Variants in KIRREL1 observed in about 807,000 individuals in gnomAD.
KIRREL1 encodes the protein kin of IRRE-like protein 1.
Under a neutral mutation model 83.3 loss-of-function variants are expected in KIRREL1, and 25 were observed. The observed-to-expected ratio is 0.30, with a 90% CI of 0.22 to 0.42. The LOEUF (loss-of-function observed/expected upper bound fraction) is 0.42, where lower values mean the gene tolerates loss of function less well. Among genes scored for constraint, KIRREL1 ranks in the 10% least tolerant of loss-of-function variants. The pLI is 1.00. For missense variants in KIRREL1, 812 were observed against 1,032.3 expected (o/e 0.79, Z 2.92); for synonymous variants, 388 against 410.4 (o/e 0.95, Z 0.66).
intron 1 of KIRREL1, among the ~76,000 whole-genome samples, chr1:158,043,911 T>C (rs1201423344): frequency 6.6e-6 from 1 of 152,196 alleles, no homozygotes; most frequent in African/African-American, 2.4e-5. Context: ...TTTGTGACAT[T>C]AGGCAAATTA....
chr1:158,093,820 C>T (rs1662275523), intron 13 of KIRREL1, 58 bp downstream of exon 13: 1 of 1,589,788 alleles, frequency 6.3e-7, no homozygotes, highest in East Asian at 2.2e-5. Context: ...GGACCAGCTC[C>T]ATCCCAGATC....
intron 1 of KIRREL1, among the ~76,000 whole-genome samples, chr1:158,019,225 G>A (rs888349364): frequency 2.6e-5 from 4 of 152,126 alleles, no homozygotes; most frequent in Non-Finnish European, 4.4e-5. Context: ...ACAAGAGAGA[G>A]GAGCAGACTG....
At chr1:158,012,816 G>A (rs1323387080) in intron 1 of KIRREL1, among the ~76,000 whole-genome samples, 1 of 152,244 alleles carries the variant, frequency 6.6e-6, no homozygotes, top group East Asian at 1.9e-4. Context: ...GATAGTGTAA[G>A]TTACTAATCT....
chr1:158,001,969 C>G (rs1350014518), intron 1 of KIRREL1, among the ~76,000 whole-genome samples: 1 of 152,168 alleles, frequency 6.6e-6, no homozygotes, highest in African/African-American at 2.4e-5. Context: ...CTCCCCTCCT[C>G]TTAAACACCT....
chr1:158,087,864 A>AGGG lies in KIRREL1; in HGVS notation c.767+7_767+9dup. The AGGG allele has an allele frequency of 6.2e-7, 1 of 1,612,828 alleles. No individual in the cohort carries two copies. ...ACCCCGAGATCTTGGGCTACAGGTG[A>AGGG]GGGGGTCAGAGGCTGGGAGCGCTCT... On this transcript the variant is annotated splice_donor_region_variant and intron_variant, in intron 6 of 14. Coordinates refer to ENST00000359209, the MANE Select transcript of KIRREL1 (RefSeq NM_018240.7).
At chr1:158,005,369 G>A (rs183616145) in intron 1 of KIRREL1, among the ~76,000 whole-genome samples, 2 of 151,786 alleles carry the variant, frequency 1.3e-5, no homozygotes, top group Non-Finnish European at 1.5e-5. Flanking sequence ...TTGCCAGCAC[G>A]CCCATCCTTA....
In KIRREL1 at chr1:158,100,184, T is replaced by A. The variant is rs1050547373; in HGVS notation, c.*5064T>A. 1 of 150,060 alleles carries A rather than the reference T, an allele frequency of 6.7e-6. No individual in the cohort carries two copies. Among genetic ancestry groups the A allele is most frequent in the Non-Finnish European group, 1.5e-5 (1 of 67,624 alleles). The allele number at this position is 150,060 out of a possible 1,614,324, so 9.3% of individuals were successfully genotyped here. The stretch of plus-strand genomic sequence containing the variant: ...CTTTTTTTAAAAATATTATGTACTA[T>A]ATTTTTAGTCTCAAACACACTATAT... On this transcript the variant is annotated 3_prime_UTR_variant, in exon 15 of 15. Coordinates refer to ENST00000359209, the MANE Select transcript of KIRREL1 (RefSeq NM_018240.7).
At chr1:158,018,919 A>C (rs1457748907) in intron 1 of KIRREL1, among the ~76,000 whole-genome samples, 1 of 152,134 alleles carries the variant, frequency 6.6e-6, no homozygotes, top group Non-Finnish European at 1.5e-5. Flanking sequence ...AGGAGGAGAA[A>C]TTTGCTTCTG....
chr1:158,093,491 C>T, intron 12 of KIRREL1, 45 bp downstream of exon 12: 1 of 1,604,798 alleles, frequency 6.2e-7, no homozygotes, highest in Non-Finnish European at 8.5e-7. Context: ...CCTGGCTCTT[C>T]CAGGGCCATG....
chr1:158,081,187 G>A (rs1661843757), intron 3 of KIRREL1, among the ~76,000 whole-genome samples: 1 of 98,048 alleles, frequency 1.0e-5, no homozygotes, highest in Non-Finnish European at 2.5e-5. Context: ...ATGACTTCTG[G>A]GTCAGGCAAG....
chr1:158,027,919 C>T (rs1052829776), intron 1 of KIRREL1, among the ~76,000 whole-genome samples: 1 of 152,158 alleles, frequency 6.6e-6, no homozygotes, highest in African/African-American at 2.4e-5. Context: ...GGATTTCAGT[C>T]TTAGGGATAG....
chr1:158,073,199 C>T (rs540876164), intron 1 of KIRREL1, among the ~76,000 whole-genome samples: 2 of 152,118 alleles, frequency 1.3e-5, no homozygotes, highest in Admixed American at 6.5e-5. Context: ...ATTAAATTCC[C>T]GAGATGTCTT....
intron 1 of KIRREL1, among the ~76,000 whole-genome samples, chr1:158,027,462 C>T (rs930723065): frequency 5.9e-5 from 9 of 152,154 alleles, no homozygotes; most frequent in African/African-American, 2.2e-4. Flanking sequence ...ACCTTCAGCC[C>T]CTCTTCCCTC....
At chr1:158,020,603 A>AAAAAG (rs1659979479) in intron 1 of KIRREL1, among the ~76,000 whole-genome samples, 1 of 147,458 alleles carries the variant, frequency 6.8e-6, no homozygotes, top group Admixed American at 6.7e-5. Context: ...AGTAAATCAA[A>AAAAAG]AAAAAAAAAA....
chr1:158,040,354 G>A (rs1660592605), intron 1 of KIRREL1, among the ~76,000 whole-genome samples: 1 of 152,204 alleles, frequency 6.6e-6, no homozygotes, highest in African/African-American at 2.4e-5. Context: ...ATAGAGGTCA[G>A]AGACATGGAA....
chr1:158,012,687 C>T (rs2101639340), intron 1 of KIRREL1, among the ~76,000 whole-genome samples: 1 of 152,316 alleles, frequency 6.6e-6, no homozygotes. Flanking sequence ...TCCTGTTTTG[C>T]CCCTCACTGG....
rs1659815412 is a variant in KIRREL1, at chr1:158,016,031, TGCG to T, written c.52+22309_52+22311del. ...ACAAATATTAAGAAAGCAGGCTGGG[TGCG>T]GCGGCTCAAGCCTGTAATCCCAGCA... On this transcript the variant is annotated intron_variant, in intron 1 of 14. Transcript: ENST00000359209. Among the ~76,000 whole-genome samples, 7 of 152,098 alleles carry T rather than the reference TGCG, an allele frequency of 4.6e-5. No individual in the cohort carries two copies. The South Asian group carries it at 1.2e-3, about 27-fold the overall frequency.
At position 158,091,395 on chromosome 1, in the gene KIRREL1, C is replaced by T. The variant is rs760591846; in HGVS notation, c.1310C>T (p.Thr437Ile). Residue 437 changes from threonine to isoleucine, a missense_variant, in exon 11 of 15, where the codon ACC (threonine) becomes ATC (isoleucine). Coordinates refer to ENST00000359209, the MANE Select transcript of KIRREL1 (RefSeq NM_018240.7). ...AWKENFLEVG[T>I]LERYTVERTN... ...AAGGAGAACTTCTTGGAGGTGGGGA[C>T]CCTGGAACGCTATACAGTGGAGAGG... 1.2e-6 allele frequency: 2 copies of T among 1,614,138 alleles called. No homozygotes were observed. Among genetic ancestry groups the T allele is most frequent in the South Asian group, 2.2e-5 (2 of 91,078 alleles).
chr1:158,084,044 C>T (rs1246388029), intron 3 of KIRREL1, among the ~76,000 whole-genome samples: 7 of 152,214 alleles, frequency 4.6e-5, no homozygotes, highest in East Asian at 1.9e-4. Context: ...GCAGGAGAAT[C>T]GCTTGAACCC....
Sources: allele counts gnomAD v4.1 joint callset (sites outside exome capture counted in the v4.1 genomes callset), GRCh38; gene constraint gnomAD v4.1.1; transcripts MANE v1.5; gene names NCBI Gene and HGNC (gene_info 2026-07-23, HGNC 2026-07-21).